LRRIQ1: variants seen among roughly 807,000 people sequenced by gnomAD.
LRRIQ1 encodes leucine-rich repeat- and IQ domain-containing protein 1.
In LRRIQ1, 210 loss-of-function variants were observed where a neutral mutation model predicts 211.9. That is an observed-to-expected ratio of 0.99 (90% CI 0.89 to 1.11). The LOEUF (loss-of-function observed/expected upper bound fraction) is 1.11, where lower values mean the gene tolerates loss of function less well. Among genes scored for constraint, LRRIQ1 ranks in the 50% most tolerant of loss-of-function variants. The probability of loss-of-function intolerance (pLI) is 0.00; values close to 1 mark genes in which losing one functional copy is unlikely to be tolerated. For synonymous variants in LRRIQ1, 699 were observed against 650.1 expected (o/e 1.08, Z -1.14); for missense variants, 2,136 against 1,939.5 (o/e 1.10, Z -1.90).
chr12:85,271,886 A>G, the LRRIQ1 span, among the ~76,000 whole-genome samples: 2 of 152,268 alleles, frequency 1.3e-5, no homozygotes, highest in African/African-American at 4.8e-5. Context: ...TTAGATGGCC[A>G]ACCTAGGAAT....
At chr12:85,089,226 TA>T (rs1885134981) in intron 11 of LRRIQ1, among the ~76,000 whole-genome samples, 1 of 152,208 alleles carries the variant, frequency 6.6e-6, no homozygotes, top group African/African-American at 2.4e-5. Flanking sequence ...TGGTTCTGTT[TA>T]TATGATGGAG....
chr12:85,108,210 A>G (rs1221175404), intron 15 of LRRIQ1, among the ~76,000 whole-genome samples: 1 of 152,184 alleles, frequency 6.6e-6, no homozygotes, highest in Non-Finnish European at 1.5e-5. Flanking sequence ...CTAATGCGAT[A>G]CTTTCTAAGC....
intron 11 of LRRIQ1, among the ~76,000 whole-genome samples, chr12:85,086,303 G>C (rs1000286966): frequency 6.6e-6 from 1 of 151,962 alleles, no homozygotes; most frequent in Non-Finnish European, 1.5e-5. Context: ...CTGGAGGTGG[G>C]GCCTGATGGG....
chr12:85,220,548 A>G (rs1894348421), intron 24 of LRRIQ1, among the ~76,000 whole-genome samples: 1 of 151,682 alleles, frequency 6.6e-6, no homozygotes, highest in East Asian at 1.9e-4. Context: ...TCTATGATTG[A>G]GTATATTTCA....
rs534108235 is a variant in LRRIQ1, at chr12:85,167,507, T to C, written c.4822+6793T>C. On this transcript the variant is annotated intron_variant, in intron 24 of 26. Transcript: ENST00000393217. ...TCCAAGAGTCCAAAAGCTGAAGAAC[T>C]TGGAGTCCAATGTTCTAGGGCAGGA... is the stretch of plus-strand genomic sequence containing the variant. Among the ~76,000 whole-genome samples, 14 of 152,218 alleles carry C rather than the reference T, an allele frequency of 9.2e-5. No homozygotes were observed. In the South Asian group the frequency reaches 2.5e-3, roughly 27 times the overall value.
At chr12:85,045,518 G>C (rs1879435699) in intron 4 of LRRIQ1, among the ~76,000 whole-genome samples, 1 of 151,202 alleles carries the variant, frequency 6.6e-6, no homozygotes, top group Non-Finnish European at 1.5e-5. Context: ...TTACTTCCTT[G>C]GAATAAATAG....
Position 85,210,503 on chromosome 12 carries a change from CTTG to C in LRRIQ1, c.4823-19011_4823-19009del, listed in dbSNP as rs1174226434. ...AAATGTAAATGTCTTGGTTTAGCTT[CTTG>C]TTTTTTAAATTAAGAAAACAGTTTT... is the stretch of plus-strand genomic sequence containing the variant. On this transcript the variant is annotated intron_variant, in intron 24 of 26. Coordinates refer to ENST00000393217, the MANE Select transcript of LRRIQ1 (RefSeq NM_001079910.2). 2.6e-5 allele frequency among the ~76,000 whole-genome samples: 4 copies of C among 152,168 alleles called. No individual in the cohort carries two copies. In the East Asian group the frequency reaches 7.7e-4, roughly 29 times the overall value.
At chr12:85,146,986 AT>A (rs1889934937) in intron 19 of LRRIQ1, among the ~76,000 whole-genome samples, 1 of 151,830 alleles carries the variant, frequency 6.6e-6, no homozygotes, top group South Asian at 2.1e-4. Context: ...AGAATATGAT[AT>A]TTTTTGGGAG....
At chr12:85,071,504 A>G (rs1056959290) in intron 10 of LRRIQ1, among the ~76,000 whole-genome samples, 1 of 151,964 alleles carries the variant, frequency 6.6e-6, no homozygotes, top group African/African-American at 2.4e-5. Context: ...ATTTAATTTC[A>G]TATTTGATCA....
At chr12:85,150,124 G>T (rs549182650) in intron 19 of LRRIQ1, among the ~76,000 whole-genome samples, 7 of 151,804 alleles carry the variant, frequency 4.6e-5, no homozygotes, top group Non-Finnish European at 7.4e-5. Context: ...TTTTAAAAAG[G>T]CTGTTTGTAT....
chr12:85,190,259 CTG>C (rs1201085251), intron 24 of LRRIQ1, among the ~76,000 whole-genome samples: 1 of 143,446 alleles, frequency 7.0e-6, no homozygotes, highest in African/African-American at 2.5e-5. Flanking sequence ...TATATATTAA[CTG>C]TAACTACACA....
At chr12:85,195,973 C>T (rs1325593112) in intron 24 of LRRIQ1, among the ~76,000 whole-genome samples, 1 of 151,880 alleles carries the variant, frequency 6.6e-6, no homozygotes, top group African/African-American at 2.4e-5. Flanking sequence ...GCAACTTCAG[C>T]GAAGTCTCAG....
At chr12:85,126,072 G>C (rs995343452) in intron 17 of LRRIQ1, among the ~76,000 whole-genome samples, 14 of 152,154 alleles carry the variant, frequency 9.2e-5, no homozygotes, top group Admixed American at 5.9e-4. Context: ...TGATGATCAT[G>C]ATGATGATCA....
intron 22 of LRRIQ1, 24 bp from the exon 23 acceptor site, chr12:85,153,988 T>C: frequency 6.9e-7 from 1 of 1,448,994 alleles, no homozygotes; most frequent in Non-Finnish European, 9.3e-7. Flanking sequence ...TGTTTTACCT[T>C]TATTATATTT....
intron 1 of LRRIQ1, among the ~76,000 whole-genome samples, chr12:85,256,827 A>C (rs1896109121): frequency 6.6e-6 from 1 of 150,486 alleles, no homozygotes; most frequent in African/African-American, 2.4e-5. Flanking sequence ...TTTTAAATTA[A>C]ATTTTTCAAA....
intron 15 of LRRIQ1, among the ~76,000 whole-genome samples, chr12:85,112,159 C>T (rs1274710965): frequency 6.6e-6 from 1 of 151,832 alleles, no homozygotes; most frequent in Non-Finnish European, 1.5e-5. Flanking sequence ...AAATATTGTT[C>T]ATTTTATTAT....
At chr12:85,094,947 C>G (rs1177996707) in intron 11 of LRRIQ1, among the ~76,000 whole-genome samples, 3 of 152,014 alleles carry the variant, frequency 2.0e-5, no homozygotes, top group Non-Finnish European at 4.4e-5. Context: ...AGAAATGCTA[C>G]TGATTTTTCT....
chr12:85,238,887 A>G (rs1895326229), intron 26 of LRRIQ1, among the ~76,000 whole-genome samples: 1 of 152,142 alleles, frequency 6.6e-6, no homozygotes, highest in Non-Finnish European at 1.5e-5. Flanking sequence ...AATCCTCACA[A>G]ACAGTTTAGA....
At chr12:85,164,925 G>A (rs1891074765) in intron 24 of LRRIQ1, among the ~76,000 whole-genome samples, 1 of 152,106 alleles carries the variant, frequency 6.6e-6, no homozygotes, top group Non-Finnish European at 1.5e-5. Context: ...GTAAAACTCT[G>A]AGAAAACCAT....
Sources: gnomAD v4.1 joint callset for allele counts (sites outside exome capture counted in the v4.1 genomes callset) on GRCh38, gnomAD v4.1.1 for gene constraint, MANE v1.5 for transcripts, NCBI Gene and HGNC (gene_info 2026-07-23, HGNC 2026-07-21) for gene names.